SP140L: variants seen among roughly 807,000 people sequenced by gnomAD.
The protein encoded by SP140L is SP140 like nuclear body protein, also known as nuclear body protein SP140-like protein.
A neutral mutation model predicts 84.3 loss-of-function variants in SP140L; 64 were observed. The observed-to-expected ratio is 0.76, with a 90% CI of 0.62 to 0.94. The LOEUF is 0.94. Ranked by LOEUF, SP140L falls within the 40% of genes least tolerant of loss-of-function variation. The probability of loss-of-function intolerance (pLI) is 0.00; values close to 1 mark genes in which losing one functional copy is unlikely to be tolerated. For missense variants in SP140L, 628 were observed against 692.5 expected (o/e 0.91, Z 1.05); for synonymous variants, 242 against 236.9 (o/e 1.02, Z -0.20).
At chr2:230,355,942 A>G (rs888097183) in intron 2 of SP140L, among the ~76,000 whole-genome samples, 14 of 152,170 alleles carry the variant, frequency 9.2e-5, no homozygotes, top group East Asian at 1.9e-4. Flanking sequence ...ACTTCTATCC[A>G]TAATCTGTAA....
intron 15 of SP140L, 103 bp from the exon 16 acceptor site, chr2:230,400,852 A>G (rs1409504397): frequency 1.3e-5 from 20 of 1,560,624 alleles, no homozygotes; most frequent in Non-Finnish European, 1.7e-5. Context: ...CCCTCCCATG[A>G]CTGAGCCCAT....
At chr2:230,391,042 T>C (rs1003814059) in intron 11 of SP140L, among the ~76,000 whole-genome samples, 3 of 152,256 alleles carry the variant, frequency 2.0e-5, no homozygotes, top group African/African-American at 7.2e-5. Flanking sequence ...TCAAAGTTCA[T>C]TCATATTGTA....
At chr2:230,395,570 A>T (rs1375187525) in intron 13 of SP140L, among the ~76,000 whole-genome samples, 5 of 152,000 alleles carry the variant, frequency 3.3e-5, no homozygotes, top group Non-Finnish European at 4.4e-5. Context: ...ACAGAGTGAA[A>T]CCCTGTCTCA....
intron 2 of SP140L, among the ~76,000 whole-genome samples, chr2:230,345,746 T>C (rs2060190554): frequency 6.6e-6 from 1 of 152,148 alleles, no homozygotes; most frequent in African/African-American, 2.4e-5. Flanking sequence ...TTCAACCACA[T>C]ATAAAACTCT....
chr2:230,391,984 C>T, intron 11 of SP140L, 103 bp from the exon 12 acceptor site: 1 of 1,512,380 alleles, frequency 6.6e-7, no homozygotes, highest in South Asian at 1.2e-5. Context: ...TGCTATTGAT[C>T]TTCATCACAA....
At chr2:230,383,164 C>A (rs2061463751) in intron 7 of SP140L, among the ~76,000 whole-genome samples, 1 of 152,216 alleles carries the variant, frequency 6.6e-6, no homozygotes, top group Admixed American at 6.5e-5. Flanking sequence ...GGAGGATGTC[C>A]TCTCATTGCA....
intron 2 of SP140L, among the ~76,000 whole-genome samples, chr2:230,354,088 G>A (rs562269115): frequency 3.3e-5 from 5 of 151,988 alleles, no homozygotes; most frequent in Non-Finnish European, 7.4e-5. Context: ...GTTACCATTT[G>A]GAATTTCCCC....
intron 5 of SP140L, among the ~76,000 whole-genome samples, chr2:230,369,430 G>A (rs2060985564): frequency 6.6e-6 from 1 of 152,224 alleles, no homozygotes; most frequent in Non-Finnish European, 1.5e-5. Context: ...CTGGAGCCTG[G>A]GGATTCAGGA....
intron 2 of SP140L, among the ~76,000 whole-genome samples, chr2:230,337,733 A>AC (rs1449826747): frequency 6.6e-6 from 1 of 151,868 alleles, no homozygotes; most frequent in Admixed American, 6.6e-5. Context: ...TTTTCCCAGC[A>AC]CCATTTATTA....
chr2:230,400,627 C>T (rs6748339), intron 15 of SP140L: 134,122 of 521,372 alleles, frequency 0.26, 19,269 homozygotes, highest in Non-Finnish European at 0.3. Flanking sequence ...GGAGGCCTGA[C>T]GTCCCTGGAG....
intron 2 of SP140L, among the ~76,000 whole-genome samples, chr2:230,334,090 A>G (rs985240183): frequency 7.9e-5 from 12 of 152,218 alleles, no homozygotes; most frequent in African/African-American, 2.7e-4. Flanking sequence ...TTTCAGAACG[A>G]GACACTAGAA....
rs1369164998 is a variant in SP140L, at chr2:230,392,182, A to G, written c.1060A>G (p.Arg354Gly). The G allele has an allele frequency of 6.2e-7, 1 of 1,614,104 alleles. No homozygotes were observed. The highest frequency in any genetic ancestry group is 2.2e-5 in the East Asian group (1 of 44,888). Reference sequence around the variant, plus strand: ...AGGCTACGCAAGATCAAAGAACTGGAGGCTGAGTGTGCGCTGTGGCGGGTG... The same window carrying G: ...AGGCTACGCAAGATCAAAGAACTGGGGGCTGAGTGTGCGCTGTGGCGGGTG... ...KGGYARSKNW[R>G]LSVRCGGWPL... Residue 354 changes from arginine to glycine, a missense_variant, in exon 12 of 19, where the codon AGG becomes GGG. By Grantham distance (125) the Arg-to-Gly change is moderately radical. Transcript: ENST00000415673.
At chr2:230,356,786 T>C (rs2060562461) in intron 2 of SP140L, among the ~76,000 whole-genome samples, 2 of 152,216 alleles carry the variant, frequency 1.3e-5, no homozygotes, top group Non-Finnish European at 2.9e-5. Flanking sequence ...TCTGACCACT[T>C]TTTGTCTTCA....
At position 230,367,905 on chromosome 2, in the gene SP140L, C is replaced by T. The variant is rs369775988; in HGVS notation, c.524-3003C>T. On this transcript the variant is annotated intron_variant, in intron 5 of 18. Coordinates refer to ENST00000415673, the MANE Select transcript of SP140L (RefSeq NM_138402.6). ...TGAGATCACACCACTGCACTCCAGC[C>T]TGGCAACAGAGAGAGAGACTCCATC... is the stretch of plus-strand genomic sequence containing the variant. Among the ~76,000 whole-genome samples, 123 of 152,362 alleles carry T rather than the reference C, an allele frequency of 8.1e-4. 3 individuals are homozygous for T. Among genetic ancestry groups the T allele is most frequent in the African/African-American group, 2.8e-3 (116 of 41,582 alleles).
intron 5 of SP140L, among the ~76,000 whole-genome samples, chr2:230,369,887 C>T (rs1250710888): frequency 6.6e-6 from 1 of 152,204 alleles, no homozygotes; most frequent in Non-Finnish European, 1.5e-5. Flanking sequence ...GATTCTCCTG[C>T]CTCAGCCTCC....
In SP140L at chr2:230,381,729, C is replaced by T. The variant is rs7565664; in HGVS notation, c.638-1781C>T. ...GTCTCTCTACACACACACACACACA[C>T]ACACACACACACACACACACACACA... On this transcript the variant is annotated intron_variant, in intron 7 of 18. Transcript: ENST00000415673. Among the ~76,000 whole-genome samples, 46 of 33,550 alleles carry T rather than the reference C, an allele frequency of 1.4e-3. 2 individuals are homozygous for T. Among genetic ancestry groups the T allele is most frequent in the South Asian group, 6.5e-3 (5 of 772 alleles). The allele number at this position is 33,550 out of a possible 152,430, so 22.0% of individuals were successfully genotyped here.
intron 7 of SP140L, among the ~76,000 whole-genome samples, chr2:230,375,036 G>A (rs754024138): frequency 1.3e-5 from 2 of 151,988 alleles, no homozygotes; most frequent in African/African-American, 4.8e-5. Context: ...TTTCATTTAT[G>A]GTTTCCAGGT....
chr2:230,380,726 G>T (rs1045215132), intron 7 of SP140L, among the ~76,000 whole-genome samples: 1 of 151,996 alleles, frequency 6.6e-6, no homozygotes, highest in Non-Finnish European at 1.5e-5. Flanking sequence ...TATAAATAAG[G>T]TTTTACAGCG....
intron 9 of SP140L, among the ~76,000 whole-genome samples, 192 bp from the exon 10 acceptor site, chr2:230,388,367 A>G (rs1162263041): frequency 6.6e-6 from 1 of 152,230 alleles, no homozygotes; most frequent in African/African-American, 2.4e-5. Context: ...AGAATAGGAA[A>G]ATGAAATATA....
Sources: allele counts gnomAD v4.1 joint callset (sites outside exome capture counted in the v4.1 genomes callset), GRCh38; gene constraint gnomAD v4.1.1; transcripts MANE v1.5; gene names NCBI Gene and HGNC (gene_info 2026-07-23, HGNC 2026-07-21).